The following TRPM3 variants were observed in gnomAD, a reference collection of about 807,000 sequenced individuals.
TRPM3 encodes transient receptor potential cation channel subfamily M member 3, also known as long transient receptor potential channel 3.
In TRPM3, 77 loss-of-function variants were observed where a neutral mutation model predicts 181.2. The observed-to-expected ratio is 0.42, with a 90% CI of 0.35 to 0.51. The LOEUF (loss-of-function observed/expected upper bound fraction) is 0.51, where lower values mean the gene tolerates loss of function less well. TRPM3 is among the 20% of genes least tolerant of loss of function. TRPM3 has a pLI of 0.01. For synonymous variants in TRPM3, 745 were observed against 796.4 expected (o/e 0.94, Z 1.09); for missense variants, 1,759 against 2,196.7 (o/e 0.80, Z 3.98).
chr9:71,060,338 C>T (rs1052584515), intron 1 of TRPM3, among the ~76,000 whole-genome samples: 5 of 152,124 alleles, frequency 3.3e-5, no homozygotes, highest in African/African-American at 1.2e-4. Flanking sequence ...GCTAACATTT[C>T]TCAGCATTTC....
intron 6 of TRPM3, chr9:70,824,806 G>A (rs1034089959): frequency 1.3e-5 from 2 of 152,186 alleles, no homozygotes; most frequent in Non-Finnish European, 2.9e-5. Context: ...TGCTGACTGA[G>A]GATTGCATTA....
At chr9:71,004,388 T>C (rs1297938440) in intron 1 of TRPM3, among the ~76,000 whole-genome samples, 1 of 152,236 alleles carries the variant, frequency 6.6e-6, no homozygotes, top group Non-Finnish European at 1.5e-5. Context: ...TCCTGTGCAG[T>C]GTTTACATTC....
At chr9:71,439,217 T>C (rs1006463744) in intron 1 of TRPM3, among the ~76,000 whole-genome samples, 52 of 152,152 alleles carry the variant, frequency 3.4e-4, no homozygotes, top group African/African-American at 2.4e-5. Flanking sequence ...TTAACAGTCA[T>C]TACATCATGG....
intron 6 of TRPM3, among the ~76,000 whole-genome samples, chr9:70,805,534 GAAAAAAAAAAAAAAA>G (rs534322844): frequency 3.6e-4 from 30 of 82,758 alleles, no homozygotes; most frequent in Middle Eastern, 6.5e-3. Context: ...ACTCCATCTC[GAAAAAAAAAAAAAAA>G]AAAAAAAAAA....
At chr9:70,668,986 G>A (rs1471209188) in intron 9 of TRPM3, among the ~76,000 whole-genome samples, 1 of 152,228 alleles carries the variant, frequency 6.6e-6, no homozygotes, top group Non-Finnish European at 1.5e-5. Context: ...GCCAAGAGGA[G>A]CTCAGAAGCG....
intron 1 of TRPM3, among the ~76,000 whole-genome samples, chr9:71,142,122 A>G (rs779666214): frequency 8.5e-5 from 13 of 152,208 alleles, no homozygotes; most frequent in Admixed American, 5.9e-4. Flanking sequence ...TAACAAATGC[A>G]TAGTCAAGAG....
intron 1 of TRPM3, among the ~76,000 whole-genome samples, chr9:70,890,150 T>C (rs1450423361): frequency 6.7e-6 from 1 of 150,034 alleles, no homozygotes; most frequent in African/African-American, 2.4e-5. Flanking sequence ...CTCAGAGAAC[T>C]AAAGAAGACC....
At chr9:71,409,866 C>A (rs1292797704) in intron 1 of TRPM3, among the ~76,000 whole-genome samples, 2 of 152,196 alleles carry the variant, frequency 1.3e-5, no homozygotes, top group East Asian at 3.8e-4. Flanking sequence ...AAGTGAAGCA[C>A]TCCTCAGCAA....
chr9:71,349,823 C>T (rs1230685663), intron 1 of TRPM3, among the ~76,000 whole-genome samples: 1 of 151,958 alleles, frequency 6.6e-6, no homozygotes, highest in East Asian at 1.9e-4. Flanking sequence ...GAACAGACTA[C>T]CAAATCCTCC....
chr9:70,549,242 C>T (rs1564271568), intron 25 of TRPM3, among the ~76,000 whole-genome samples: 1 of 152,178 alleles, frequency 6.6e-6, no homozygotes, highest in Non-Finnish European at 1.5e-5. Context: ...TTGCCTGGAA[C>T]AGAACTTCCC....
chr9:71,267,305 A>C (rs1369589322), intron 1 of TRPM3, among the ~76,000 whole-genome samples: 1 of 152,228 alleles, frequency 6.6e-6, no homozygotes, highest in Non-Finnish European at 1.5e-5. Context: ...TCAAAAATGT[A>C]GTAAATAAAA....
intron 1 of TRPM3, among the ~76,000 whole-genome samples, chr9:70,866,462 T>C (rs1405201339): frequency 6.6e-6 from 1 of 152,050 alleles, no homozygotes; most frequent in Non-Finnish European, 1.5e-5. Flanking sequence ...ATGATTTCTT[T>C]GATCCTCAGT....
chr9:71,314,941 C>G (rs2088412170), intron 1 of TRPM3, among the ~76,000 whole-genome samples: 1 of 151,858 alleles, frequency 6.6e-6, no homozygotes, highest in Non-Finnish European at 1.5e-5. Context: ...GGAGTCAAGC[C>G]TATGAGCATC....
intron 6 of TRPM3, among the ~76,000 whole-genome samples, chr9:70,820,048 C>T (rs1375580392): frequency 1.3e-5 from 2 of 152,104 alleles, no homozygotes; most frequent in African/African-American, 4.8e-5. Flanking sequence ...GTTCCTACAC[C>T]TCCAACAAGT....
intron 1 of TRPM3, among the ~76,000 whole-genome samples, chr9:71,294,067 G>A (rs79622869): frequency 0.01 from 1,575 of 151,920 alleles, 22 homozygotes; most frequent in East Asian, 0.075. Flanking sequence ...AGAAAATGTA[G>A]GCGATTATCT....
chr9:71,394,203 TA>T (rs1261108204), intron 1 of TRPM3, among the ~76,000 whole-genome samples: 11 of 152,212 alleles, frequency 7.2e-5, no homozygotes, highest in African/African-American at 2.7e-4. Context: ...TTTGGCCATT[TA>T]TAGTAAATAT....
At chr9:71,218,282 C>T (rs1188449890) in intron 1 of TRPM3, among the ~76,000 whole-genome samples, 3 of 152,112 alleles carry the variant, frequency 2.0e-5, no homozygotes, top group African/African-American at 4.8e-5. Context: ...ACAATGACAA[C>T]GCACTCTCAT....
At chr9:71,353,118 A>G (rs2091732787) in intron 1 of TRPM3, among the ~76,000 whole-genome samples, 1 of 151,864 alleles carries the variant, frequency 6.6e-6, no homozygotes, top group African/African-American at 2.4e-5. Flanking sequence ...GCTTGAAATA[A>G]CCTTCAGGTC....
At position 70,533,672 on chromosome 9, in the gene TRPM3, G is replaced by A. The variant is rs1473726167; in HGVS notation, c.*2281C>T. 6.6e-6 allele frequency: 1 copy of A among 151,992 alleles called. No individual in the cohort carries two copies. Among genetic ancestry groups the A allele is most frequent in the Non-Finnish European group, 1.5e-5 (1 of 68,004 alleles). The allele number at this position is 151,992 out of a possible 1,614,324, so 9.4% of individuals were successfully genotyped here. On this transcript the variant is annotated 3_prime_UTR_variant, in exon 26 of 26. Coordinates refer to ENST00000677713, the MANE Select transcript of TRPM3 (RefSeq NM_001366145.2). ...TCATGACTCAAGGAAGTTTAAGAAC[G>A]ACTGATTTATTCTCAGACCCAGTGC...
Sources: gnomAD v4.1 joint callset for allele counts (sites outside exome capture counted in the v4.1 genomes callset) on GRCh38, gnomAD v4.1.1 for gene constraint, MANE v1.5 for transcripts, NCBI Gene and HGNC (gene_info 2026-07-23, HGNC 2026-07-21) for gene names.